UNC119B: variants seen among roughly 807,000 people sequenced by gnomAD.
UNC119B encodes protein unc-119 homolog B.
UNC119B carries 16 observed loss-of-function variants against 23.4 expected under a neutral mutation model. The observed-to-expected ratio is 0.68, with a 90% confidence interval of 0.46 to 1.04. UNC119B has a LOEUF of 1.04. UNC119B is among the 50% of genes least tolerant of loss of function. The pLI, the probability that UNC119B is intolerant of heterozygous loss-of-function variation, is 0.00. For synonymous variants in UNC119B, 144 were observed against 145.4 expected (o/e 0.99, Z 0.07); for missense variants, 350 against 361.3 (o/e 0.97, Z 0.25).
At chr12:120,717,893 C>T (rs1332170923) in intron 4 of UNC119B, among the ~76,000 whole-genome samples, 2 of 146,802 alleles carry the variant, frequency 1.4e-5, no homozygotes, top group Non-Finnish European at 3.0e-5. Context: ...CTTTTTGAGA[C>T]GGAGTCTTGA....
At position 120,714,293 on chromosome 12, in the gene UNC119B, TTTG is replaced by T. The variant is rs373007203; in HGVS notation, c.358+918_358+920del. Among the ~76,000 whole-genome samples, 67 of 152,042 alleles carry T rather than the reference TTTG, an allele frequency of 4.4e-4. 1 individual carries two copies. The highest frequency in any genetic ancestry group is 9.8e-4 in the Admixed American group (15 of 15,284). Reference sequence around the variant, plus strand: ...CTAAAGGCTCAAGTTCATGGGTAATTTTGTTGTTGTTGTTTTGTGGGTTTTTTT... The same window carrying T: ...CTAAAGGCTCAAGTTCATGGGTAATTTTGTTGTTGTTTTGTGGGTTTTTTT... On this transcript the variant is annotated intron_variant, in intron 2 of 4. Transcript: ENST00000344651.
Position 120,719,904 on chromosome 12 carries a change from T to A in UNC119B, c.644-16T>A. 6.3e-7 allele frequency: 1 copy of A among 1,593,938 alleles called. No homozygotes were observed. The highest frequency in any genetic ancestry group is 8.6e-7 in the Non-Finnish European group (1 of 1,161,710). ...TAATTCTTTGCTTTTTTCTTCCCCC[T>A]TTGCCTGACTTGCAGTTCGTCTAAT... is the stretch of plus-strand genomic sequence containing the variant. On this transcript the variant is annotated splice_polypyrimidine_tract_variant and intron_variant, in intron 4 of 4. Transcript: ENST00000344651.
At chr12:120,717,838 C>A (rs1186866311) in intron 4 of UNC119B, among the ~76,000 whole-genome samples, 2 of 150,970 alleles carry the variant, frequency 1.3e-5, no homozygotes, top group Non-Finnish European at 1.5e-5. Flanking sequence ...CTGGGGATTA[C>A]AGGCGTGAGC....
At chr12:120,711,800 G>A (rs982396410) in intron 1 of UNC119B, 1 of 152,246 alleles carries the variant, frequency 6.6e-6, no homozygotes, top group South Asian at 2.1e-4. Flanking sequence ...GAAATTTGGG[G>A]GGAGTAGGCC....
chr12:120,710,780 C>G (rs1882646834), intron 1 of UNC119B, 62 bp downstream of exon 1: 1 of 1,272,244 alleles, frequency 7.9e-7, no homozygotes, highest in Non-Finnish European at 9.9e-7. Context: ...GAGCCTTCAG[C>G]GGACCCGGCC....
rs147812629 is a variant in UNC119B at position 120,719,130 on chromosome 12, C to T, written c.644-790C>T. 1.6e-4 allele frequency among the ~76,000 whole-genome samples: 24 copies of T among 152,306 alleles called. No individual in the cohort carries two copies. In the East Asian group the frequency reaches 4.6e-3, roughly 29 times the overall value. On this transcript the variant is annotated intron_variant, in intron 4 of 4. Transcript: ENST00000344651. ...ACTGTGGTGAGCAACAGCATTTCCT[C>T]CAGGGGACTCCAAATGGCATGTAAT...
intron 2 of UNC119B, 131 bp downstream of exon 2, chr12:120,713,518 G>T (rs1882712108): frequency 1.5e-6 from 1 of 665,482 alleles, no homozygotes; most frequent in Admixed American, 2.8e-5. Context: ...TCTTCCCGTG[G>T]CCTGGTCTGC....
In UNC119B at chr12:120,715,521, C is replaced by CTTTTTTTTTTT. The variant is rs55906857; in HGVS notation, c.359-1088_359-1078dup. Among the ~76,000 whole-genome samples, 21 of 71,514 alleles carry CTTTTTTTTTTT rather than the reference C, an allele frequency of 2.9e-4. 1 individual carries two copies. The East Asian group carries it at 6.8e-3, about 23-fold the overall frequency. The allele number at this position is 71,514 out of a possible 152,430, so 46.9% of individuals were successfully genotyped here. A position where few individuals can be genotyped will look rare whatever the true frequency, so the allele number is the denominator to read the frequency against. On this transcript the variant is annotated intron_variant, in intron 2 of 4. Transcript: ENST00000344651. ...ACATTAGAATGCTTGTTCTCTGATT[C>CTTTTTTTTTTT]TTTTTTTTTTTTTTTTTTTTTTTTT...
chr12:120,722,521 T>A lies in UNC119B; in HGVS notation c.*2489T>A, dbSNP rs1882935245. The A allele has an allele frequency of 6.6e-6, 1 of 152,224 alleles. No individual in the cohort carries two copies. Among genetic ancestry groups the A allele is most frequent in the Non-Finnish European group, 1.5e-5 (1 of 68,058 alleles). 9.4% of individuals were successfully genotyped at this position (152,224 alleles called of 1,614,324 possible). ...CATGTTATTAAGGAATCTGAACTGT[T>A]GATAGCAGTTACCTTGTGGGTGATA... is the stretch of plus-strand genomic sequence containing the variant. On this transcript the variant is annotated 3_prime_UTR_variant, in exon 5 of 5. Coordinates refer to ENST00000344651, the MANE Select transcript of UNC119B (RefSeq NM_001080533.3).
chr12:120,718,697 A>T (rs952308279), intron 4 of UNC119B, among the ~76,000 whole-genome samples: 2 of 152,224 alleles, frequency 1.3e-5, no homozygotes, highest in African/African-American at 4.8e-5. Flanking sequence ...TAGTTAGGGA[A>T]AATTCAAGTC....
intron 2 of UNC119B, 121 bp from the exon 3 acceptor site, chr12:120,716,507 C>T: frequency 1.0e-6 from 1 of 1,004,412 alleles, no homozygotes; most frequent in South Asian, 1.3e-5. Context: ...TAAACACTGG[C>T]CATTCTTCTT....
chr12:120,716,840 A>T, intron 3 of UNC119B, 30 bp from the exon 4 acceptor site: 1 of 1,605,088 alleles, frequency 6.2e-7, no homozygotes, highest in Non-Finnish European at 8.5e-7. Flanking sequence ...GGAGGAGGCA[A>T]AGTCGGGCTT....
intron 4 of UNC119B, among the ~76,000 whole-genome samples, 194 bp from the exon 5 acceptor site, chr12:120,719,726 T>TG (rs906028062): frequency 4.6e-4 from 70 of 152,230 alleles, no homozygotes; most frequent in African/African-American, 1.7e-3. Flanking sequence ...CATGTTCAGC[T>TG]GGGGGGCCTC....
At chr12:120,716,016 G>A (rs2136931037) in intron 2 of UNC119B, among the ~76,000 whole-genome samples, 1 of 152,284 alleles carries the variant, frequency 6.6e-6, no homozygotes, top group Non-Finnish European at 1.5e-5. Context: ...AAGGCTGTAG[G>A]TCAATGTCTT....
chr12:120,715,766 CAG>C (rs1328199522), intron 2 of UNC119B, among the ~76,000 whole-genome samples: 3 of 152,114 alleles, frequency 2.0e-5, no homozygotes, highest in African/African-American at 7.2e-5. Flanking sequence ...CTCCTGACCT[CAG>C]GGGATCCGCC....
Position 120,716,926 on chromosome 12 carries a change from A to G in UNC119B, c.527A>G (p.His176Arg). The G allele has an allele frequency of 6.2e-7, 1 of 1,613,822 alleles. No individual in the cohort carries two copies. The highest frequency in any genetic ancestry group is 8.5e-7 in the Non-Finnish European group (1 of 1,179,826). ...TCAAACTTCCGGATGATCGAACGGC[A>G]CTATTTCCGGGAACACTTGCTGAAA... ...PVSNFRMIER[H>R]YFREHLLKNF... Residue 176 changes from histidine (H) to arginine (R), a missense_variant, in exon 4 of 5, where the codon CAC (histidine) becomes CGC (arginine). By Grantham distance (29) the His-to-Arg change is conservative (BLOSUM62 0). Coordinates refer to ENST00000344651, the MANE Select transcript of UNC119B (RefSeq NM_001080533.3).
intron 4 of UNC119B, among the ~76,000 whole-genome samples, chr12:120,717,372 C>T (rs924068856): frequency 4.3e-4 from 65 of 151,502 alleles, no homozygotes; most frequent in African/African-American, 1.7e-4. Context: ...CAGGTTCAAG[C>T]GATTCTCCTG....
intron 4 of UNC119B, among the ~76,000 whole-genome samples, chr12:120,717,331 G>A (rs555664494): frequency 1.2e-3 from 178 of 152,140 alleles, no homozygotes; most frequent in African/African-American, 2.3e-3. Context: ...GTGCAGCAGC[G>A]CGATCTCGGC....
chr12:120,720,077 G>A lies in UNC119B; in HGVS notation c.*45G>A, dbSNP rs1254409155. On this transcript the variant is annotated 3_prime_UTR_variant, in exon 5 of 5. Transcript: ENST00000344651. The stretch of plus-strand genomic sequence containing the variant: ...GGGAGGTGCTTTGCCGCGGCCACAA[G>A]ATCCTGGCACACGGAGATGATCGAA... 1.4e-6 allele frequency: 2 copies of A among 1,410,842 alleles called. No homozygotes were observed. Among genetic ancestry groups the A allele is most frequent in the Non-Finnish European group, 2.0e-6 (2 of 998,250 alleles). The allele number at this position is 1,410,842 out of a possible 1,614,324, so 87.4% of individuals were successfully genotyped here.
Sources: allele counts gnomAD v4.1 joint callset (sites outside exome capture counted in the v4.1 genomes callset), GRCh38; gene constraint gnomAD v4.1.1; transcripts MANE v1.5; gene names NCBI Gene and HGNC (gene_info 2026-07-23, HGNC 2026-07-21).